AKAP7: variants seen among roughly 807,000 people sequenced by gnomAD.
The protein encoded by AKAP7 is A kinase (PRKA) anchor protein 7.
In AKAP7, 39 loss-of-function variants were observed where a neutral mutation model predicts 39.5. The ratio of observed to expected loss-of-function variants is 0.99; its 90% CI spans 0.76 to 1.29. AKAP7 has a LOEUF of 1.29. AKAP7 is among the 50% of genes most tolerant of loss of function. The pLI is 0.00. For synonymous variants in AKAP7, 140 were observed against 139.1 expected, an observed-to-expected ratio of 1.01 and a Z score of -0.05; for missense variants, 414 against 407.7, an observed-to-expected ratio of 1.02 and a Z score of -0.13.
intron 7 of AKAP7, among the ~76,000 whole-genome samples, chr6:131,258,831 G>A (rs1813071522): frequency 6.6e-6 from 1 of 152,118 alleles, no homozygotes; most frequent in African/African-American, 2.4e-5. Flanking sequence ...CAAAACTTAT[G>A]AATTTAGTCA....
upstream of AKAP7, among the ~76,000 whole-genome samples, chr6:131,130,528 TCAGGTTGTC>T (rs1429148869): frequency 6.6e-6 from 1 of 152,200 alleles, no homozygotes; most frequent in East Asian, 1.9e-4. Flanking sequence ...ACTCCTGACC[TCAGGTTGTC>T]CACCCGCTTC....
At chr6:131,137,742 A>G (rs543998012) in intron 1 of AKAP7, 4 of 152,286 alleles carry the variant, frequency 2.6e-5, no homozygotes, top group South Asian at 4.1e-4. Flanking sequence ...ATATTTGCAT[A>G]TATTTAAAGG....
chr6:131,234,587 C>T (rs1810884772), intron 7 of AKAP7, among the ~76,000 whole-genome samples: 1 of 150,840 alleles, frequency 6.6e-6, no homozygotes, highest in Non-Finnish European at 1.5e-5. Flanking sequence ...AATTACTTAT[C>T]TTTAAGTAGT....
At chr6:131,244,748 G>A (rs1811863889) in intron 7 of AKAP7, among the ~76,000 whole-genome samples, 1 of 152,280 alleles carries the variant, frequency 6.6e-6, no homozygotes, top group Non-Finnish European at 1.5e-5. Context: ...TTCTTTGGTA[G>A]CTCTTGGTAT....
chr6:131,207,721 T>A (rs1417681420), intron 6 of AKAP7, among the ~76,000 whole-genome samples: 1 of 151,880 alleles, frequency 6.6e-6, no homozygotes, highest in Admixed American at 6.6e-5. Context: ...GAGGCCCTCC[T>A]GACCTGGGAG....
chr6:131,236,186 C>G (rs370348776), intron 7 of AKAP7, among the ~76,000 whole-genome samples: 4 of 151,946 alleles, frequency 2.6e-5, no homozygotes, highest in Admixed American at 1.3e-4. Context: ...GCTTGTTTTT[C>G]TCAGGTTTGT....
At chr6:131,135,942 G>A (rs936813666) in intron 1 of AKAP7, among the ~76,000 whole-genome samples, 160 bp downstream of exon 1, 3 of 152,164 alleles carry the variant, frequency 2.0e-5, no homozygotes, top group African/African-American at 7.2e-5. Flanking sequence ...GAGAAGCCCG[G>A]TGCAACCGGG....
intron 7 of AKAP7, among the ~76,000 whole-genome samples, chr6:131,222,947 C>T (rs978709436): frequency 6.6e-6 from 1 of 152,218 alleles, no homozygotes; most frequent in Non-Finnish European, 1.5e-5. Context: ...GAACCTCCAG[C>T]AAGTACTACT....
chr6:131,160,707 A>G (rs770522214), intron 3 of AKAP7, among the ~76,000 whole-genome samples: 20 of 152,218 alleles, frequency 1.3e-4, no homozygotes, highest in Non-Finnish European at 2.2e-4. Flanking sequence ...TTGCTGCTTA[A>G]TCTTGTTTAT....
At position 131,199,577 on chromosome 6, in the gene AKAP7, A is replaced by C; in HGVS notation, c.702+4A>C. ...ATCACCGTGGCTCCGTAAGAATGTG[A>C]GTGCATGTTCTTATTGCAAGCCTGT... On this transcript the variant is annotated splice_donor_region_variant and intron_variant, in intron 6 of 7. Coordinates refer to ENST00000431975, the MANE Select transcript of AKAP7 (RefSeq NM_016377.4). The C allele has an allele frequency of 6.3e-7, 1 of 1,580,010 alleles. No homozygotes were observed. The highest frequency in any genetic ancestry group is 1.1e-5 in the South Asian group (1 of 90,350).
At chr6:131,234,910 C>CT (rs530607325) in intron 7 of AKAP7, among the ~76,000 whole-genome samples, 16 of 151,228 alleles carry the variant, frequency 1.1e-4, no homozygotes, top group African/African-American at 3.6e-4. Flanking sequence ...ATTATTATTT[C>CT]TTTTTTTTAT....
At chr6:131,217,672 CAGTT>C (rs1260447403) in intron 6 of AKAP7, among the ~76,000 whole-genome samples, 2 of 152,126 alleles carry the variant, frequency 1.3e-5, no homozygotes, top group African/African-American at 2.4e-5. Flanking sequence ...TCTTGCAAAA[CAGTT>C]AGCGTTTACC....
At chr6:131,230,789 A>C (rs762985633) in intron 7 of AKAP7, among the ~76,000 whole-genome samples, 1 of 152,180 alleles carries the variant, frequency 6.6e-6, no homozygotes. Context: ...TAGAGTATAA[A>C]AAGTTCCTTG....
intron 1 of AKAP7, among the ~76,000 whole-genome samples, chr6:131,138,599 A>G (rs1412278567): frequency 6.6e-6 from 1 of 152,210 alleles, no homozygotes; most frequent in Non-Finnish European, 1.5e-5. Context: ...CTCCGTTTAC[A>G]TTGCTATAGT....
intron 7 of AKAP7, among the ~76,000 whole-genome samples, chr6:131,266,424 T>C (rs941858792): frequency 6.6e-6 from 1 of 152,222 alleles, no homozygotes; most frequent in African/African-American, 2.4e-5. Context: ...ATGTCATCAG[T>C]GTACTATTAC....
At chr6:131,145,557 C>T in intron 2 of AKAP7, 141 bp downstream of exon 2, 1 of 547,804 alleles carries the variant, frequency 1.8e-6, no homozygotes, top group Non-Finnish European at 2.6e-6. Context: ...TTCATTTATT[C>T]TAGTTTTTTG....
intron 7 of AKAP7, among the ~76,000 whole-genome samples, chr6:131,247,304 T>C (rs1255676956): frequency 1.3e-4 from 16 of 121,924 alleles, no homozygotes; most frequent in Admixed American, 1.2e-3. Flanking sequence ...TATATATATA[T>C]ATATATATAT....
intron 5 of AKAP7, among the ~76,000 whole-genome samples, chr6:131,180,486 C>T (rs1233314149): frequency 1.3e-5 from 2 of 152,216 alleles, no homozygotes; most frequent in Admixed American, 1.3e-4. Context: ...CTAGCTTCTT[C>T]ATTGTACCTT....
chr6:131,225,446 G>T (rs1424048337), intron 7 of AKAP7, among the ~76,000 whole-genome samples: 1 of 152,176 alleles, frequency 6.6e-6, no homozygotes, highest in Non-Finnish European at 1.5e-5. Flanking sequence ...TGTGAGTTGA[G>T]AGTAAAGATA....
Sources: gnomAD v4.1 joint callset for allele counts (sites outside exome capture counted in the v4.1 genomes callset) on GRCh38, gnomAD v4.1.1 for gene constraint, MANE v1.5 for transcripts, NCBI Gene and HGNC (gene_info 2026-07-23, HGNC 2026-07-21) for gene names.